The following TPRG1 variants were observed in gnomAD, a reference collection of about 807,000 sequenced individuals.
The protein encoded by TPRG1 is tumor protein p63 regulated 1, also known as tumor protein p63-regulated gene 1 protein.
TPRG1 carries 29 observed loss-of-function variants against 29.3 expected under a neutral mutation model. The observed-to-expected ratio is 0.99, with a 90% confidence interval of 0.74 to 1.35. The LOEUF (loss-of-function observed/expected upper bound fraction) is 1.35. Among genes scored for constraint, TPRG1 ranks in the 40% most tolerant of loss-of-function variants. The probability of loss-of-function intolerance (pLI) is 0.00; values close to 1 mark genes in which losing one functional copy is unlikely to be tolerated. For synonymous variants in TPRG1, 130 were observed against 116.8 expected (o/e 1.11, Z -0.73); for missense variants, 327 against 335.0 (o/e 0.98, Z 0.19).
In TPRG1 at chr3:189,198,290, G is replaced by A. The variant is rs549476161; in HGVS notation, c.-9-9086G>A. 5.3e-5 allele frequency among the ~76,000 whole-genome samples: 8 copies of A among 152,032 alleles called. No homozygotes were observed. In the South Asian group the frequency reaches 6.2e-4, roughly 12 times the overall value. ...TCCACACCTCTAACTTCCCACACTCGCATTCCCCTCTTCCCACTCACCATC... is the reference window on the plus strand; with the variant it reads ...TCCACACCTCTAACTTCCCACACTCACATTCCCCTCTTCCCACTCACCATC... On this transcript the variant is annotated intron_variant, in intron 1 of 5. Coordinates refer to ENST00000345063, the MANE Select transcript of TPRG1 (RefSeq NM_198485.4).
At chr3:189,242,569 C>A (rs1449607567) in intron 4 of TPRG1, among the ~76,000 whole-genome samples, 1 of 152,006 alleles carries the variant, frequency 6.6e-6, no homozygotes. Context: ...GGGTATTAGT[C>A]TGTTATTTTC....
intron 4 of TPRG1, among the ~76,000 whole-genome samples, chr3:189,044,555 CAAAA>C (rs11431509): frequency 1.0e-5 from 1 of 98,758 alleles, no homozygotes. Context: ...AACTCCGTCT[CAAAA>C]AAAAAAAAAA....
chr3:189,306,820 T>C (rs7622951), intron 4 of TPRG1, among the ~76,000 whole-genome samples: 8,934 of 148,664 alleles, frequency 0.06, 607 homozygotes, highest in African/African-American at 0.17. Context: ...CTCCTGTTTT[T>C]CACAAAATTA....
chr3:189,173,433 G>A (rs992882040), intron 1 of TPRG1, among the ~76,000 whole-genome samples: 30 of 147,218 alleles, frequency 2.0e-4, no homozygotes, highest in Non-Finnish European at 4.2e-4. Context: ...TCCACCTCCC[G>A]GGTTCAAGCG....
At chr3:189,106,046 T>C (rs1316536570) in intron 1 of TPRG1, among the ~76,000 whole-genome samples, 2 of 152,008 alleles carry the variant, frequency 1.3e-5, no homozygotes, top group Non-Finnish European at 2.9e-5. Flanking sequence ...ACCTAGGAAC[T>C]GAAAATTCAA....
In TPRG1 at chr3:189,172,363, T is replaced by G. The variant is rs1256098284; in HGVS notation, c.-10+232T>G. Among the ~76,000 whole-genome samples, 3 of 152,198 alleles carry G rather than the reference T, an allele frequency of 2.0e-5. No homozygotes were observed. The East Asian group carries it at 5.8e-4, about 29-fold the overall frequency. On this transcript the variant is annotated intron_variant, in intron 1 of 5. Coordinates refer to ENST00000345063, the MANE Select transcript of TPRG1 (RefSeq NM_198485.4). ...TAGCCTATAAAGCCACTTGACATAC[T>G]TATCTATATATTGATTTTGATCTTA...
chr3:189,144,238 C>T (rs13077266), intron 3 of TPRG1, among the ~76,000 whole-genome samples: 49,583 of 152,024 alleles, frequency 0.33, 8,393 homozygotes, highest in Admixed American at 0.44. Context: ...CTCCTGGATT[C>T]AATATGGTTG....
At chr3:189,211,740 C>T (rs775178906) in intron 2 of TPRG1, 4 of 152,162 alleles carry the variant, frequency 2.6e-5, no homozygotes, top group Non-Finnish European at 5.9e-5. Context: ...AACAAGCAAC[C>T]TCTGGGCCAC....
intron 4 of TPRG1, among the ~76,000 whole-genome samples, chr3:189,083,769 G>T (rs1332343667): frequency 6.6e-6 from 1 of 152,142 alleles, no homozygotes; most frequent in Non-Finnish European, 1.5e-5. Flanking sequence ...ATGCTTGTCA[G>T]GTCCAGGTTC....
intron 2 of TPRG1, chr3:189,211,769 G>A (rs1735301211): frequency 6.6e-6 from 1 of 152,108 alleles, no homozygotes; most frequent in Non-Finnish European, 1.5e-5. Flanking sequence ...TAGAAGACAG[G>A]CCTGGAACCC....
intron 4 of TPRG1, among the ~76,000 whole-genome samples, chr3:189,256,372 G>A (rs1711879335): frequency 6.6e-6 from 1 of 152,172 alleles, no homozygotes. Flanking sequence ...ACCGTGGTCT[G>A]ACTGTTATGA....
intron 5 of TPRG1, 114 bp from the exon 6 acceptor site, chr3:189,320,512 A>G: frequency 1.3e-6 from 1 of 766,042 alleles, no homozygotes; most frequent in Non-Finnish European, 2.0e-6. Flanking sequence ...AGAAGTAAGA[A>G]TAACTGCAGC....
intron 4 of TPRG1, among the ~76,000 whole-genome samples, chr3:189,076,507 T>C (rs1245430028): frequency 1.3e-5 from 2 of 152,104 alleles, no homozygotes; most frequent in Non-Finnish European, 2.9e-5. Context: ...TTTAAAAATA[T>C]GTGTATTATC....
chr3:189,279,917 T>C (rs1716812460), intron 4 of TPRG1, among the ~76,000 whole-genome samples: 1 of 152,126 alleles, frequency 6.6e-6, no homozygotes, highest in African/African-American at 2.4e-5. Context: ...GAAAACTGAA[T>C]GTAGTCCTTC....
chr3:188,999,157 A>G (rs1399387570), intron 1 of TPRG1, among the ~76,000 whole-genome samples: 1 of 152,154 alleles, frequency 6.6e-6, no homozygotes, highest in Non-Finnish European at 1.5e-5. Flanking sequence ...GTGGTTGTTC[A>G]GGGGAACGTA....
chr3:189,189,043 C>T (rs927538833), intron 1 of TPRG1, among the ~76,000 whole-genome samples: 3 of 152,092 alleles, frequency 2.0e-5, no homozygotes, highest in East Asian at 1.9e-4. Context: ...AATGTAGGCA[C>T]CTTTTAGATT....
At chr3:189,088,278 G>T (rs1380640697) in intron 4 of TPRG1, among the ~76,000 whole-genome samples, 1 of 151,734 alleles carries the variant, frequency 6.6e-6, no homozygotes, top group Non-Finnish European at 1.5e-5. Flanking sequence ...GTGAATGGGA[G>T]TTCACTCATG....
At position 189,310,523 on chromosome 3, in the gene TPRG1, T is replaced by A; in HGVS notation, c.617T>A (p.Phe206Tyr). The stretch of plus-strand genomic sequence containing the variant: ...CCTATGAAATACACCAGTGAGAAAT[T>A]CCTTGAAATTTGCAAGGTAGGAGGC... The part of the protein sequence containing the change: ...EHPMKYTSEK[F>Y]LEICKLSGFM... Residue 206 changes from phenylalanine to tyrosine, a missense_variant, in exon 5 of 6, where the codon TTC (phenylalanine) becomes TAC (tyrosine). Physicochemically the swap from Phe to Tyr is conservative, Grantham distance 22. Transcript: ENST00000345063. The A allele has an allele frequency of 1.2e-6, 2 of 1,609,926 alleles. No homozygotes were observed. The highest frequency in any genetic ancestry group is 1.7e-6 in the Non-Finnish European group (2 of 1,178,338).
chr3:189,092,633 C>T (rs991869130), intron 4 of TPRG1, among the ~76,000 whole-genome samples: 7 of 151,918 alleles, frequency 4.6e-5, no homozygotes, highest in Admixed American at 1.3e-4. Flanking sequence ...AGGGGAGGCA[C>T]GCTGCTCAGA....
Sources: allele counts gnomAD v4.1 joint callset (sites outside exome capture counted in the v4.1 genomes callset), GRCh38; gene constraint gnomAD v4.1.1; transcripts MANE v1.5; gene names NCBI Gene and HGNC (gene_info 2026-07-23, HGNC 2026-07-21).